Variants in SLC6A11 observed in about 807,000 individuals in gnomAD.
SLC6A11 encodes solute carrier family 6 member 11.
A neutral mutation model predicts 74.8 loss-of-function variants in SLC6A11; 25 were observed. The ratio of observed to expected loss-of-function variants is 0.33; its 90% confidence interval spans 0.24 to 0.47. The LOEUF (loss-of-function observed/expected upper bound fraction) is 0.47. Among genes scored for constraint, SLC6A11 ranks in the 20% least tolerant of loss-of-function variants. The pLI is 1.00. For missense variants in SLC6A11, 574 were observed against 837.0 expected, an observed-to-expected ratio of 0.69 and a Z score of 3.88; for synonymous variants, 330 against 330.2, an observed-to-expected ratio of 1.00 and a Z score of 0.01.
chr3:10,866,797 T>A (rs568171162), intron 5 of SLC6A11, among the ~76,000 whole-genome samples: 1 of 152,372 alleles, frequency 6.6e-6, no homozygotes, highest in South Asian at 2.1e-4. Context: ...TCTGTTAGAA[T>A]GTTCTAGAAC....
chr3:10,926,692 G>A lies in SLC6A11; in HGVS notation c.1233+576G>A, dbSNP rs987075016. Among the ~76,000 whole-genome samples the A allele has an allele frequency of 2.6e-5, 4 of 152,270 alleles. No individual in the cohort carries two copies. Among genetic ancestry groups the A allele is most frequent in the African/African-American group, 7.2e-5 (3 of 41,540 alleles). ...CTGCTTGGCAGCCTCCTTCCCTGGC[G>A]AAGGGGGTAGACCTGGAGCTAGTAA... On this transcript the variant is annotated intron_variant, in intron 9 of 13. Coordinates refer to ENST00000254488, the MANE Select transcript of SLC6A11 (RefSeq NM_014229.3). The surrounding 1 kb of genome is among the most constrained non-coding windows in gnomAD (Gnocchi z 5.7).
chr3:10,937,534 C>T (rs757729903), intron 13 of SLC6A11, among the ~76,000 whole-genome samples: 3 of 152,238 alleles, frequency 2.0e-5, no homozygotes, highest in Non-Finnish European at 4.4e-5. Context: ...AAAGGGCCCC[C>T]CAGATCCCAG....
chr3:10,929,182 C>T lies in SLC6A11; in HGVS notation c.1234-20C>T. ...GCAGCCTTGTCCTTGAGTTTCACAC[C>T]ATCATATCTCCCCATCCAGTTTGTG... On this transcript the variant is annotated intron_variant, in intron 9 of 13. Transcript: ENST00000254488. 1 of 1,612,602 alleles carries T rather than the reference C, an allele frequency of 6.2e-7. No individual in the cohort carries two copies. The highest frequency in any genetic ancestry group is 8.5e-7 in the Non-Finnish European group (1 of 1,179,254).
At chr3:10,931,684 C>G (rs1310630563) in intron 10 of SLC6A11, among the ~76,000 whole-genome samples, 2 of 152,230 alleles carry the variant, frequency 1.3e-5, no homozygotes, top group South Asian at 2.1e-4. Context: ...GCTGCATTCC[C>G]CAGCAACTGC....
At chr3:10,929,480 G>A in intron 10 of SLC6A11, 141 bp downstream of exon 10, 1 of 881,612 alleles carries the variant, frequency 1.1e-6, no homozygotes. Flanking sequence ...AGCGGGTCAT[G>A]GTGAGGATCT....
At chr3:10,833,602 G>A (rs1321057366) in intron 4 of SLC6A11, among the ~76,000 whole-genome samples, 1 of 152,280 alleles carries the variant, frequency 6.6e-6, no homozygotes, top group Non-Finnish European at 1.5e-5. Flanking sequence ...GTGGTGTGGT[G>A]TGGGGACCTA....
rs113113263 is a variant in SLC6A11 at position 10,911,471 on chromosome 3, G to C, written c.892-619G>C. Among the ~76,000 whole-genome samples the C allele has an allele frequency of 1.4e-3, 214 of 152,200 alleles. 1 individual carries two copies. The highest frequency in any genetic ancestry group is 4.4e-3 in the African/African-American group (181 of 41,538). On this transcript the variant is annotated intron_variant, in intron 6 of 13. Transcript: ENST00000254488. ...TTGTGTACCACATAGGAAGCCTAGA[G>C]GGGGGGAGTCTGTTCTGAAAGGGAG...
At chr3:10,930,566 G>A (rs1192375033) in intron 10 of SLC6A11, among the ~76,000 whole-genome samples, 1 of 152,208 alleles carries the variant, frequency 6.6e-6, no homozygotes. Context: ...ACCAGGCGCT[G>A]CAGTAAGCAG....
chr3:10,868,501 T>C (rs1694791401), intron 5 of SLC6A11, among the ~76,000 whole-genome samples: 2 of 152,258 alleles, frequency 1.3e-5, no homozygotes, highest in African/African-American at 2.4e-5. Context: ...CTAACCTTTA[T>C]ATTCAGAAAG....
intron 5 of SLC6A11, among the ~76,000 whole-genome samples, chr3:10,872,871 A>G (rs1694843241): frequency 1.3e-5 from 2 of 152,246 alleles, no homozygotes; most frequent in African/African-American, 2.4e-5. Flanking sequence ...CAAAGCTTGC[A>G]TGCGTATCTG....
chr3:10,922,882 C>T (rs558613500), intron 8 of SLC6A11, among the ~76,000 whole-genome samples: 6 of 152,164 alleles, frequency 3.9e-5, no homozygotes, highest in Non-Finnish European at 8.8e-5. Flanking sequence ...ACAAAAATAA[C>T]GATACTGTGC....
chr3:10,883,370 G>A (rs1005362920), intron 6 of SLC6A11, among the ~76,000 whole-genome samples: 8 of 152,066 alleles, frequency 5.3e-5, no homozygotes, highest in Non-Finnish European at 7.4e-5. Context: ...CCAGATTCCC[G>A]CTCCTCTCAC....
chr3:10,892,081 C>T (rs908239211), intron 6 of SLC6A11, among the ~76,000 whole-genome samples: 1 of 152,226 alleles, frequency 6.6e-6, no homozygotes. Context: ...TGATATAGCA[C>T]AGCTTTGTAA....
intron 5 of SLC6A11, among the ~76,000 whole-genome samples, chr3:10,870,468 T>C (rs916147759): frequency 6.6e-6 from 1 of 152,192 alleles, no homozygotes; most frequent in Non-Finnish European, 1.5e-5. Flanking sequence ...CTGCAAAGAA[T>C]GCTGTGATCT....
chr3:10,908,630 A>G (rs1022247953), intron 6 of SLC6A11, among the ~76,000 whole-genome samples: 4 of 151,994 alleles, frequency 2.6e-5, no homozygotes, highest in Non-Finnish European at 4.4e-5. Flanking sequence ...CTTTCCCCCC[A>G]TCTGTCTCTC....
chr3:10,886,388 A>G (rs1461013901), intron 6 of SLC6A11, among the ~76,000 whole-genome samples: 1 of 152,136 alleles, frequency 6.6e-6, no homozygotes, highest in Non-Finnish European at 1.5e-5. Flanking sequence ...TCCAGGATCA[A>G]TTCTGTTGCA....
At chr3:10,934,266 C>T in intron 12 of SLC6A11, 100 bp downstream of exon 12, 1 of 790,310 alleles carries the variant, frequency 1.3e-6, no homozygotes, top group Non-Finnish European at 2.2e-6. Context: ...CGAGGCTGGA[C>T]CTGAGGAGGC....
chr3:10,828,713 T>C (rs1187917541), intron 4 of SLC6A11, among the ~76,000 whole-genome samples: 1 of 152,158 alleles, frequency 6.6e-6, no homozygotes, highest in African/African-American at 2.4e-5. Flanking sequence ...CAAATGTCAG[T>C]GTCATATGGG....
chr3:10,922,471 GA>G (rs1256546215), intron 8 of SLC6A11, among the ~76,000 whole-genome samples: 1 of 152,068 alleles, frequency 6.6e-6, no homozygotes, highest in Non-Finnish European at 1.5e-5. Context: ...CCCATTATGT[GA>G]AAAAAGAAGG....
Sources: gnomAD v4.1 joint callset for allele counts (sites outside exome capture counted in the v4.1 genomes callset) on GRCh38, gnomAD v4.1.1 for gene constraint, Gnocchi (gnomAD v3.1) non-coding constraint, MANE v1.5 for transcripts, NCBI Gene and HGNC (gene_info 2026-07-23, HGNC 2026-07-21) for gene names.